KIAA1958: variants seen among roughly 807,000 people sequenced by gnomAD.
KIAA1958 encodes the protein uncharacterized protein KIAA1958.
Under a neutral mutation model 47.2 loss-of-function variants are expected in KIAA1958, and 14 were observed. The observed-to-expected ratio is 0.30, with a 90% CI of 0.20 to 0.46. The LOEUF (loss-of-function observed/expected upper bound fraction) is 0.46. KIAA1958 is among the 20% of genes least tolerant of loss of function. The pLI is 1.00. For synonymous variants in KIAA1958, 354 were observed against 353.3 expected, an observed-to-expected ratio of 1.00 and a Z score of -0.02; for missense variants, 803 against 909.2, an observed-to-expected ratio of 0.88 and a Z score of 1.50.
chr9:112,644,688 G>T (rs1836947935), intron 2 of KIAA1958, among the ~76,000 whole-genome samples: 1 of 152,226 alleles, frequency 6.6e-6, no homozygotes, highest in African/African-American at 2.4e-5. Flanking sequence ...TTCCTCTGAG[G>T]AGATGTGAGC....
intron 1 of KIAA1958, among the ~76,000 whole-genome samples, chr9:112,568,637 C>CT (rs1023870334): frequency 1.1e-4 from 16 of 152,008 alleles, no homozygotes; most frequent in Non-Finnish European, 2.1e-4. Context: ...AATCCCAGCA[C>CT]TTTGGGAGGC....
chr9:112,625,441 A>C (rs904706606), intron 2 of KIAA1958, among the ~76,000 whole-genome samples: 2 of 152,178 alleles, frequency 1.3e-5, no homozygotes, highest in African/African-American at 2.4e-5. Context: ...GGCATGAGCC[A>C]CTGCTCTGTC....
At chr9:112,577,879 T>C (rs1835676268) in intron 2 of KIAA1958, among the ~76,000 whole-genome samples, 1 of 152,182 alleles carries the variant, frequency 6.6e-6, no homozygotes, top group African/African-American at 2.4e-5. Context: ...TATGAAAAGC[T>C]GGCATGGCCA....
chr9:112,609,956 G>A lies in KIAA1958; in HGVS notation c.1171+34705G>A, dbSNP rs1365571488. Among the ~76,000 whole-genome samples the A allele has an allele frequency of 2.0e-5, 3 of 152,244 alleles. No homozygotes were observed. The East Asian group carries it at 5.8e-4, about 29-fold the overall frequency. ...ATTCTTCCACAGTGCATTACCTTCT[G>A]CTGTGTTGGAACACTGGTGAAAAAT... On this transcript the variant is annotated intron_variant, in intron 2 of 3. Coordinates refer to ENST00000337530, the MANE Select transcript of KIAA1958 (RefSeq NM_133465.4).
At chr9:112,597,366 C>CT (rs1352343510) in intron 2 of KIAA1958, among the ~76,000 whole-genome samples, 2 of 152,130 alleles carry the variant, frequency 1.3e-5, no homozygotes, top group Admixed American at 6.6e-5. Flanking sequence ...GATAAAGAAA[C>CT]TAAGTCACAG....
chr9:112,539,835 C>T (rs1834911691), intron 1 of KIAA1958, among the ~76,000 whole-genome samples: 2 of 114,798 alleles, frequency 1.7e-5, no homozygotes, highest in South Asian at 7.0e-4. Context: ...GGATTACAAG[C>T]ATGCCCCACC....
intron 2 of KIAA1958, among the ~76,000 whole-genome samples, chr9:112,613,695 A>T (rs1309794310): frequency 6.6e-6 from 1 of 152,204 alleles, no homozygotes; most frequent in South Asian, 2.1e-4. Flanking sequence ...ATGAAAGAGG[A>T]TATCCCAATG....
At chr9:112,553,659 C>A (rs1835194155) in intron 1 of KIAA1958, among the ~76,000 whole-genome samples, 1 of 152,100 alleles carries the variant, frequency 6.6e-6, no homozygotes, top group Non-Finnish European at 1.5e-5. Context: ...GTACTGTTAT[C>A]TTTATTGTTA....
chr9:112,552,375 C>T (rs1414406359), intron 1 of KIAA1958, among the ~76,000 whole-genome samples: 1 of 152,178 alleles, frequency 6.6e-6, no homozygotes, highest in Non-Finnish European at 1.5e-5. Context: ...TTCTAATGCT[C>T]AGTCAGCTTA....
chr9:112,630,416 A>G (rs2131228877), intron 2 of KIAA1958, among the ~76,000 whole-genome samples: 1 of 152,332 alleles, frequency 6.6e-6, no homozygotes, highest in Non-Finnish European at 1.5e-5. Flanking sequence ...AGGCCAAGGC[A>G]GGAGGATCGC....
intron 3 of KIAA1958, among the ~76,000 whole-genome samples, chr9:112,649,356 CTG>C (rs1837024102): frequency 1.3e-5 from 2 of 150,698 alleles, no homozygotes; most frequent in Non-Finnish European, 2.9e-5. Context: ...CGATGTCTCT[CTG>C]TGTTGCCCAG....
At chr9:112,561,066 T>G (rs1202583813) in intron 1 of KIAA1958, among the ~76,000 whole-genome samples, 2 of 151,814 alleles carry the variant, frequency 1.3e-5, no homozygotes, top group Non-Finnish European at 2.9e-5. Context: ...ATTTTTTTTT[T>G]TTTTTTGAGA....
chr9:112,568,235 G>A (rs1835462442), intron 1 of KIAA1958, among the ~76,000 whole-genome samples: 1 of 152,112 alleles, frequency 6.6e-6, no homozygotes, highest in South Asian at 2.1e-4. Flanking sequence ...TTACAACTGA[G>A]GTCATCTGAA....
intron 2 of KIAA1958, among the ~76,000 whole-genome samples, chr9:112,594,219 G>C (rs749678930): frequency 3.9e-5 from 6 of 152,220 alleles, no homozygotes; most frequent in Non-Finnish European, 8.8e-5. Flanking sequence ...TGGGAAGACA[G>C]ATTTTGCTGG....
chr9:112,659,785 C>T lies in KIAA1958; in HGVS notation c.1867C>T (p.Arg623Trp), dbSNP rs781574337. The T allele has an allele frequency of 8.7e-6, 14 of 1,614,022 alleles. No homozygotes were observed. Among genetic ancestry groups the T allele is most frequent in the Non-Finnish European group, 1.1e-5 (13 of 1,180,030 alleles). The change falls in exon 4 of 4, where the codon CGG becomes TGG. Residue 623 changes from arginine (R) to tryptophan (W), a missense_variant. Around this residue, in one of 2 missense-constraint regions of KIAA1958, gnomAD observed 761 missense variants for 829.3 expected, o/e 0.92. Transcript: ENST00000337530. The part of the protein sequence containing the change: ...CHGKIYHEHS[R>W]GHKQCPYCLL... ...CGGGAAGATCTACCATGAGCATTCC[C>T]GGGGACACAAACAGTGCCCTTACTG...
At chr9:112,612,689 C>T (rs547216876) in intron 2 of KIAA1958, among the ~76,000 whole-genome samples, 27 of 152,264 alleles carry the variant, frequency 1.8e-4, no homozygotes, top group Middle Eastern at 3.4e-3. Flanking sequence ...ACTCTTATGT[C>T]TTATCATGGG....
chr9:112,629,714 T>C (rs1836676811), intron 2 of KIAA1958, among the ~76,000 whole-genome samples: 2 of 152,234 alleles, frequency 1.3e-5, no homozygotes, highest in Non-Finnish European at 2.9e-5. Flanking sequence ...GTTTATTCCA[T>C]TGTGTGTATA....
intron 2 of KIAA1958, among the ~76,000 whole-genome samples, chr9:112,587,301 C>T (rs980063462): frequency 6.6e-6 from 1 of 152,044 alleles, no homozygotes; most frequent in Non-Finnish European, 1.5e-5. Flanking sequence ...AGGCATGCGC[C>T]ACAATGCCTG....
chr9:112,550,593 G>A (rs1835124251), intron 1 of KIAA1958, among the ~76,000 whole-genome samples: 1 of 152,194 alleles, frequency 6.6e-6, no homozygotes, highest in Non-Finnish European at 1.5e-5. Flanking sequence ...ATTAAAATCA[G>A]TGCAGGGAAA....
Sources: allele counts gnomAD v4.1 joint callset (sites outside exome capture counted in the v4.1 genomes callset), GRCh38; gene constraint gnomAD v4.1.1; regional missense constraint gnomAD v4.1.1; transcripts MANE v1.5; gene names NCBI Gene and HGNC (gene_info 2026-07-23, HGNC 2026-07-21).